Variants in DNAAF4 observed in about 807,000 individuals in gnomAD.
DNAAF4 encodes the protein dynein assembly factor 4, axonemal.
A neutral mutation model predicts 51.8 loss-of-function variants in DNAAF4; 43 were observed. That is an observed-to-expected ratio of 0.83 (90% CI 0.65 to 1.07). DNAAF4 has a LOEUF of 1.07. DNAAF4 is among the 50% of genes least tolerant of loss of function. The pLI, the probability that DNAAF4 is intolerant of heterozygous loss-of-function variation, is 0.00. For synonymous variants in DNAAF4, 194 were observed against 165.6 expected (o/e 1.17, Z -1.32); for missense variants, 581 against 493.0 (o/e 1.18, Z -1.69).
chr15:55,503,381 T>A (rs927331008), intron 1 of DNAAF4, among the ~76,000 whole-genome samples: 2 of 152,188 alleles, frequency 1.3e-5, no homozygotes, highest in Non-Finnish European at 1.5e-5. Flanking sequence ...TCTGAAACTA[T>A]TCCAATCAAT....
chr15:55,446,304 G>C (rs2057812186), intron 6 of DNAAF4, among the ~76,000 whole-genome samples: 2 of 87,088 alleles, frequency 2.3e-5, no homozygotes, highest in African/African-American at 5.7e-5. Context: ...GACGGGGGGG[G>C]GGGGCAGCTG....
intron 1 of DNAAF4, among the ~76,000 whole-genome samples, chr15:55,506,862 C>CT (rs995113150): frequency 5.3e-5 from 8 of 151,572 alleles, no homozygotes; most frequent in African/African-American, 1.9e-4. Flanking sequence ...TTTCTTTTTT[C>CT]TTTTTTTGAT....
chr15:55,468,498 C>T (rs2058201767), intron 4 of DNAAF4, among the ~76,000 whole-genome samples: 1 of 152,158 alleles, frequency 6.6e-6, no homozygotes, highest in Non-Finnish European at 1.5e-5. Context: ...CAGGAAGAAT[C>T]TACACATGGC....
At chr15:55,418,539 T>C in intron 7 of DNAAF4, 1 of 1,498,606 alleles carries the variant, frequency 6.7e-7, no homozygotes, top group Non-Finnish European at 8.9e-7. Context: ...ACCAGAACTC[T>C]TGATTTTCCT....
intron 4 of DNAAF4, among the ~76,000 whole-genome samples, chr15:55,481,153 T>C (rs1387250162): frequency 6.6e-6 from 1 of 152,138 alleles, no homozygotes; most frequent in African/African-American, 2.4e-5. Flanking sequence ...AATTACCCGA[T>C]CTTGGGTATG....
Position 55,438,093 on chromosome 15 carries a change from G to A in DNAAF4, c.893+1379C>T, listed in dbSNP as rs117825477. Reference sequence around the variant, plus strand: ...TCAGTATGTTAAAATATTCACGGCCGGGTGCAGTGGCTCACACCCGTAATC... The same window carrying A: ...TCAGTATGTTAAAATATTCACGGCCAGGTGCAGTGGCTCACACCCGTAATC... On this transcript the variant is annotated intron_variant, in intron 7 of 9. Transcript: ENST00000321149. 0.011 allele frequency among the ~76,000 whole-genome samples: 1,675 copies of A among 152,246 alleles called. 88 individuals are homozygous for A. In the East Asian group the frequency reaches 0.15, roughly 13 times the overall value.
chr15:55,459,578 C>G (rs576158579), intron 5 of DNAAF4, among the ~76,000 whole-genome samples: 1 of 152,138 alleles, frequency 6.6e-6, no homozygotes, highest in Admixed American at 6.5e-5. Flanking sequence ...AAAAATCAAC[C>G]AACCAAGTAA....
chr15:55,479,393 C>T (rs938136000), intron 4 of DNAAF4, among the ~76,000 whole-genome samples: 1 of 152,058 alleles, frequency 6.6e-6, no homozygotes, highest in South Asian at 2.1e-4. Context: ...ACTTTAATCT[C>T]TTAATCCTGT....
At chr15:55,428,714 C>G (rs1379164317), downstream of DNAAF4, among the ~76,000 whole-genome samples, 2 of 150,620 alleles carry the variant, frequency 1.3e-5, no homozygotes, top group African/African-American at 2.4e-5. Context: ...CCAGGATAGT[C>G]TCGATCTCCT....
At chr15:55,470,067 T>C (rs28800209) in intron 4 of DNAAF4, among the ~76,000 whole-genome samples, 141,037 of 150,254 alleles carry the variant, frequency 0.94, 66,855 homozygotes, top group East Asian at 1. Flanking sequence ...TTTTTTTTTT[T>C]CTGAGACGGA....
At chr15:55,442,957 C>G in intron 6 of DNAAF4, 2 of 1,611,342 alleles carry the variant, frequency 1.2e-6, no homozygotes, top group Non-Finnish European at 8.5e-7. Context: ...GCAAACCATC[C>G]TTTTCTCAAC....
intron 4 of DNAAF4, among the ~76,000 whole-genome samples, chr15:55,477,179 A>T (rs2058346970): frequency 6.6e-6 from 1 of 152,114 alleles, no homozygotes; most frequent in African/African-American, 2.4e-5. Flanking sequence ...CTCAAAAAAA[A>T]AATAAAAAAA....
chr15:55,489,918 G>A (rs1312750457), intron 4 of DNAAF4, among the ~76,000 whole-genome samples: 2 of 148,652 alleles, frequency 1.3e-5, no homozygotes, highest in Admixed American at 6.8e-5. Context: ...CTGTCGCCCA[G>A]GCTGGAGTGC....
chr15:55,497,171 C>G (rs1159113739), intron 3 of DNAAF4, among the ~76,000 whole-genome samples: 4 of 152,140 alleles, frequency 2.6e-5, no homozygotes, highest in African/African-American at 9.7e-5. Flanking sequence ...GGGGGGTATT[C>G]ACTTTTTTCC....
chr15:55,491,761 TATA>T (rs991963319), intron 3 of DNAAF4, among the ~76,000 whole-genome samples: 14 of 142,012 alleles, frequency 9.9e-5, no homozygotes, highest in Non-Finnish European at 2.0e-4. Flanking sequence ...TATAATAGTA[TATA>T]ATAATATAAT....
In DNAAF4 at chr15:55,490,536, C is replaced by G. The variant is rs548791097; in HGVS notation, c.405+587G>C. On this transcript the variant is annotated intron_variant, in intron 4 of 9. Coordinates refer to ENST00000321149, the MANE Select transcript of DNAAF4 (RefSeq NM_130810.4). Reference sequence around the variant, plus strand: ...TGTTTTAAAATCATATCTGTTATTCCAAGATTTAAAAAGAAGTAAAACACT... The same window carrying G: ...TGTTTTAAAATCATATCTGTTATTCGAAGATTTAAAAAGAAGTAAAACACT... Among the ~76,000 whole-genome samples the G allele has an allele frequency of 2.2e-4, 34 of 152,096 alleles. No homozygotes were observed. In the South Asian group the frequency reaches 2.3e-3, roughly 10 times the overall value.
At chr15:55,429,317 C>T (rs182115897), downstream of DNAAF4, among the ~76,000 whole-genome samples, 1 of 148,914 alleles carries the variant, frequency 6.7e-6, no homozygotes, top group Admixed American at 6.7e-5. Context: ...GTCAGCAGTT[C>T]GAGACCAACC....
At chr15:55,436,806 A>C (rs2057619794) in intron 7 of DNAAF4, among the ~76,000 whole-genome samples, 1 of 152,158 alleles carries the variant, frequency 6.6e-6, no homozygotes, top group Admixed American at 6.5e-5. Context: ...GGCGTGAGCC[A>C]CTGTGCCTGG....
chr15:55,472,083 A>C (rs994187452), intron 4 of DNAAF4, among the ~76,000 whole-genome samples: 4 of 136,674 alleles, frequency 2.9e-5, no homozygotes, highest in Non-Finnish European at 6.4e-5. Flanking sequence ...CAAATGATCC[A>C]CCCGCCTCAA....
Sources: allele counts gnomAD v4.1 joint callset (sites outside exome capture counted in the v4.1 genomes callset), GRCh38; gene constraint gnomAD v4.1.1; transcripts MANE v1.5; gene names NCBI Gene and HGNC (gene_info 2026-07-23, HGNC 2026-07-21).